RGS7: variants seen among roughly 807,000 people sequenced by gnomAD.
RGS7 encodes the protein regulator of G protein signaling 7, also known as regulator of G-protein signaling 7.
A neutral mutation model predicts 81.1 loss-of-function variants in RGS7; 27 were observed. That is an observed-to-expected ratio of 0.33 (90% CI 0.25 to 0.46). RGS7 has a LOEUF of 0.46. Ranked by LOEUF, RGS7 falls within the 20% of genes least tolerant of loss-of-function variation. The pLI is 1.00. For missense variants in RGS7, 396 were observed against 607.4 expected (o/e 0.65, Z 3.66); for synonymous variants, 208 against 207.7 (o/e 1.00, Z -0.01).
chr1:241,213,580 G>A (rs754408837), intron 2 of RGS7, among the ~76,000 whole-genome samples: 17 of 152,202 alleles, frequency 1.1e-4, no homozygotes, highest in Non-Finnish European at 2.4e-4. Context: ...TAACTTATCA[G>A]TTTACTTTGA....
chr1:241,052,527 A>G (rs1421814372), intron 3 of RGS7, among the ~76,000 whole-genome samples: 1 of 151,874 alleles, frequency 6.6e-6, no homozygotes, highest in Non-Finnish European at 1.5e-5. Context: ...GCCATAATAC[A>G]CTCTGGAATG....
At chr1:241,047,267 G>T (rs771997700) in intron 3 of RGS7, among the ~76,000 whole-genome samples, 9 of 152,142 alleles carry the variant, frequency 5.9e-5, no homozygotes, top group Non-Finnish European at 1.0e-4. Context: ...TGCTCCCATG[G>T]TGATTTTAGC....
At chr1:241,207,791 T>G (rs1458674514) in intron 2 of RGS7, among the ~76,000 whole-genome samples, 1 of 152,162 alleles carries the variant, frequency 6.6e-6, no homozygotes, top group Non-Finnish European at 1.5e-5. Flanking sequence ...GAATGAAACA[T>G]CCACTAAATT....
At chr1:240,947,035 C>A (rs1222416607) in intron 4 of RGS7, among the ~76,000 whole-genome samples, 1 of 151,970 alleles carries the variant, frequency 6.6e-6, no homozygotes, top group Non-Finnish European at 1.5e-5. Context: ...AAAATAAATT[C>A]TAGATGCTGT....
intron 2 of RGS7, among the ~76,000 whole-genome samples, chr1:241,208,105 C>T (rs1443761192): frequency 1.3e-5 from 2 of 152,164 alleles, no homozygotes; most frequent in African/African-American, 2.4e-5. Flanking sequence ...GGGAGTTTCA[C>T]CATCCTGGCC....
chr1:241,059,691 C>A (rs1425355622), intron 3 of RGS7, among the ~76,000 whole-genome samples: 1 of 151,642 alleles, frequency 6.6e-6, no homozygotes, highest in East Asian at 1.9e-4. Context: ...CTTCCTGATT[C>A]TGTGTCTCTC....
intron 14 of RGS7, among the ~76,000 whole-genome samples, chr1:240,810,279 T>C (rs1689611768): frequency 6.6e-6 from 1 of 152,156 alleles, no homozygotes; most frequent in African/African-American, 2.4e-5. Context: ...GATGTTTTTA[T>C]TTGGCTAGGT....
intron 9 of RGS7, among the ~76,000 whole-genome samples, chr1:240,867,137 C>G (rs1451832438): frequency 6.6e-6 from 1 of 152,210 alleles, no homozygotes; most frequent in Non-Finnish European, 1.5e-5. Flanking sequence ...CCAGTTAATT[C>G]TCAGTTGATT....
At chr1:241,236,166 CT>C (rs34167840) in intron 2 of RGS7, among the ~76,000 whole-genome samples, 42,772 of 140,234 alleles carry the variant, frequency 0.31, 7,022 homozygotes, top group South Asian at 0.35. Flanking sequence ...AAATGACGAC[CT>C]CCGCCCCCCA....
chr1:240,932,901 T>G (rs1384250939), intron 5 of RGS7, among the ~76,000 whole-genome samples: 4 of 105,090 alleles, frequency 3.8e-5, no homozygotes, highest in Non-Finnish European at 7.8e-5. Context: ...TTTTTTTTTT[T>G]GAGACAGAGT....
chr1:241,339,115 A>G (rs1285914247), intron 2 of RGS7, among the ~76,000 whole-genome samples: 6 of 152,000 alleles, frequency 3.9e-5, no homozygotes, highest in African/African-American at 1.4e-4. Context: ...GTTCAGTCCC[A>G]CTTATAAGTG....
chr1:241,013,314 T>C (rs1045037182), intron 3 of RGS7, among the ~76,000 whole-genome samples: 16 of 152,010 alleles, frequency 1.1e-4, no homozygotes, highest in Non-Finnish European at 2.4e-4. Flanking sequence ...CTGCCCACCT[T>C]AGCCTCCCAA....
At chr1:241,070,470 G>A (rs986219622) in intron 3 of RGS7, among the ~76,000 whole-genome samples, 5 of 152,126 alleles carry the variant, frequency 3.3e-5, no homozygotes, top group Non-Finnish European at 5.9e-5. Flanking sequence ...CTCATTGCAC[G>A]ACTGCTTTTT....
intron 5 of RGS7, among the ~76,000 whole-genome samples, chr1:240,934,658 A>G (rs762310076): frequency 2.0e-5 from 3 of 152,134 alleles, no homozygotes; most frequent in Non-Finnish European, 2.9e-5. Context: ...AACATTTACT[A>G]TTTAGCACTA....
At chr1:241,132,815 T>C (rs2067211177) in intron 2 of RGS7, among the ~76,000 whole-genome samples, 1 of 152,166 alleles carries the variant, frequency 6.6e-6, no homozygotes. Context: ...CAGGCTGGAG[T>C]GCAGTGGCAC....
chr1:240,865,177 TG>T (rs1432176022), intron 9 of RGS7, among the ~76,000 whole-genome samples: 1 of 152,226 alleles, frequency 6.6e-6, no homozygotes, highest in Non-Finnish European at 1.5e-5. Context: ...GGCAAATCAC[TG>T]TGCAAGGTGG....
chr1:241,189,964 G>A (rs560920704), intron 2 of RGS7, among the ~76,000 whole-genome samples: 134 of 152,212 alleles, frequency 8.8e-4, no homozygotes, highest in African/African-American at 1.9e-3. Flanking sequence ...TTAGCCGGGC[G>A]CGGTGGTGGG....
intron 2 of RGS7, among the ~76,000 whole-genome samples, chr1:241,222,475 A>G: frequency 6.6e-6 from 1 of 152,326 alleles, no homozygotes; most frequent in Middle Eastern, 3.4e-3. Context: ...TTAAAAGTTC[A>G]TGGATAAGAG....
intron 2 of RGS7, among the ~76,000 whole-genome samples, chr1:241,223,627 T>C (rs1558207434): frequency 6.6e-6 from 1 of 151,826 alleles, no homozygotes; most frequent in Admixed American, 6.6e-5. Context: ...ATTCAAATAT[T>C]GTAAAGTTTG....
Sources: gnomAD v4.1 joint callset for allele counts (sites outside exome capture counted in the v4.1 genomes callset) on GRCh38, gnomAD v4.1.1 for gene constraint, MANE v1.5 for transcripts, NCBI Gene and HGNC (gene_info 2026-07-23, HGNC 2026-07-21) for gene names.